The following SUMO3 variants were observed in gnomAD, a reference collection of about 807,000 sequenced individuals.
SUMO3 encodes small ubiquitin like modifier 3, also known as small ubiquitin-related modifier 3.
Under a neutral mutation model 11.1 loss-of-function variants are expected in SUMO3, and 2 were observed. The ratio of observed to expected loss-of-function variants is 0.18; its 90% CI spans 0.07 to 0.57. The LOEUF is 0.57. Among genes scored for constraint, SUMO3 ranks in the 20% least tolerant of loss-of-function variants. The pLI is 0.92. For missense variants in SUMO3, 70 were observed against 132.8 expected (o/e 0.53, Z 2.32); for synonymous variants, 56 against 53.5 (o/e 1.05, Z -0.20).
Position 44,809,159 on chromosome 21 carries a change from C to T in SUMO3, c.151-41G>A, listed in dbSNP as rs772464399. On this transcript the variant is annotated intron_variant, in intron 2 of 3. Coordinates refer to ENST00000332859, the MANE Select transcript of SUMO3 (RefSeq NM_006936.3). ...AGTGGCCATTAGTCTCACTGGCAAG[C>T]CCTGGAAAGGAAAAGCAGTGGCCAT... The T allele has an allele frequency of 3.1e-6, 5 of 1,595,080 alleles. No homozygotes were observed. The African/African-American group carries it at 5.4e-5, about 17-fold the overall frequency.
rs2083212597 is a variant in SUMO3 at position 44,811,562 on chromosome 21, AC to A, written c.150+2413del. Among the ~76,000 whole-genome samples, 1 of 152,094 alleles carries A rather than the reference AC, an allele frequency of 6.6e-6. No individual in the cohort carries two copies. Among genetic ancestry groups the A allele is most frequent in the Non-Finnish European group, 1.5e-5 (1 of 68,014 alleles). On this transcript the variant is annotated intron_variant, in intron 2 of 3. Transcript: ENST00000332859. This position sits in a 1 kb window ranked among gnomAD's most constrained non-coding sequence, Gnocchi z 5.0. ...GCTCCAGCTTGGGGGACAGAGTGAG[AC>A]CCTGTCTCAAAAAAAATAAGTTGCT...
chr21:44,808,006 AT>A (rs2083188037), intron 3 of SUMO3, among the ~76,000 whole-genome samples: 1 of 152,280 alleles, frequency 6.6e-6, no homozygotes, highest in Non-Finnish European at 1.5e-5. Flanking sequence ...TAAATACTGA[AT>A]AGTAAATATT....
chr21:44,813,087 G>A (rs2083221911), intron 2 of SUMO3, among the ~76,000 whole-genome samples: 1 of 152,258 alleles, frequency 6.6e-6, no homozygotes, highest in Middle Eastern at 3.2e-3. Context: ...GCCAGTGACT[G>A]CCCCTATGAG....
Position 44,809,210 on chromosome 21 carries a change from G to A in SUMO3, c.151-92C>T. 4 of 1,280,132 alleles carry A rather than the reference G, an allele frequency of 3.1e-6. No individual in the cohort carries two copies. The East Asian group carries it at 9.3e-5, about 30-fold the overall frequency. 79.3% of individuals were successfully genotyped at this position (1,280,132 alleles called of 1,614,324 possible). A position where few individuals can be genotyped will look rare whatever the true frequency, so the allele number is the denominator to read the frequency against. On this transcript the variant is annotated intron_variant, in intron 2 of 3. Transcript: ENST00000332859. ...TAGTCTCACTGACAAGCCCTGGAGA[G>A]GAAAAGCAGTGGCCATTAAACATTT... is the stretch of plus-strand genomic sequence containing the variant.
intron 1 of SUMO3, among the ~76,000 whole-genome samples, chr21:44,815,251 G>C (rs1289258921): frequency 1.3e-5 from 2 of 152,198 alleles, no homozygotes; most frequent in Non-Finnish European, 2.9e-5. Flanking sequence ...GTGAACCCAG[G>C]GACTGCACCC....
At chr21:44,812,757 G>A (rs2083219906) in intron 2 of SUMO3, among the ~76,000 whole-genome samples, 1 of 152,226 alleles carries the variant, frequency 6.6e-6, no homozygotes, top group African/African-American at 2.4e-5. Context: ...GGGAAGGGCA[G>A]AGCCCCCCCC....
At chr21:44,812,962 C>A (rs1159342326) in intron 2 of SUMO3, among the ~76,000 whole-genome samples, 1 of 152,238 alleles carries the variant, frequency 6.6e-6, no homozygotes, top group African/African-American at 2.4e-5. Flanking sequence ...AAGACCGGGA[C>A]CTGCGTGTCT....
chr21:44,808,690 T>C, intron 3 of SUMO3: 1 of 1,341,644 alleles, frequency 7.5e-7, no homozygotes, highest in Non-Finnish European at 9.7e-7. Flanking sequence ...TGCAAGATGC[T>C]TAAAGGGCAC....
At chr21:44,813,275 G>A (rs1034951838) in intron 2 of SUMO3, among the ~76,000 whole-genome samples, 1 of 152,140 alleles carries the variant, frequency 6.6e-6, no homozygotes, top group African/African-American at 2.4e-5. Context: ...CTGCAGGGCC[G>A]GGCCCCCAAC....
At chr21:44,814,188 G>A in intron 1 of SUMO3, 84 bp from the exon 2 acceptor site, 1 of 1,556,904 alleles carries the variant, frequency 6.4e-7, no homozygotes, top group Non-Finnish European at 8.7e-7. Flanking sequence ...GGTAATTGTT[G>A]GCTTTTTAAA....
At chr21:44,815,154 TCTC>T (rs1308496282) in intron 1 of SUMO3, among the ~76,000 whole-genome samples, 1 of 152,166 alleles carries the variant, frequency 6.6e-6, no homozygotes, top group African/African-American at 2.4e-5. Flanking sequence ...TCTCTCCACT[TCTC>T]CTTTCCTTCC....
intron 1 of SUMO3, among the ~76,000 whole-genome samples, chr21:44,817,190 C>T (rs1436784997): frequency 9.5e-6 from 1 of 104,780 alleles, no homozygotes; most frequent in Non-Finnish European, 1.9e-5. Flanking sequence ...CGTGGGCGTA[C>T]ACCGGGGGGC....
In SUMO3 at chr21:44,811,691, A is replaced by C. The variant is rs1382225540; in HGVS notation, c.150+2285T>G. On this transcript the variant is annotated intron_variant, in intron 2 of 3. Coordinates refer to ENST00000332859, the MANE Select transcript of SUMO3 (RefSeq NM_006936.3). This position sits in a 1 kb window ranked among gnomAD's most constrained non-coding sequence, Gnocchi z 5.0. ...ATGTCCACAGGAAGTGGAAAGATAA[A>C]GTTGAAATGACCTCCCGGAAAGAAG... is the stretch of plus-strand genomic sequence containing the variant. Among the ~76,000 whole-genome samples, 1 of 152,222 alleles carries C rather than the reference A, an allele frequency of 6.6e-6. No homozygotes were observed. The highest frequency in any genetic ancestry group is 1.5e-5 in the Non-Finnish European group (1 of 68,030).
At chr21:44,817,840 G>A (rs1429058207) in intron 1 of SUMO3, 108 bp downstream of exon 1, 5 of 264 alleles carry the variant, frequency 0.019, no homozygotes, top group Admixed American at 0.12. Flanking sequence ...GGGAGGGGCG[G>A]AGCCTGTCAG....
chr21:44,806,881 T>G lies in SUMO3; in HGVS notation c.*70A>C, dbSNP rs1360846691. The G allele has an allele frequency of 1.9e-6, 3 of 1,592,284 alleles. No individual in the cohort carries two copies. The highest frequency in any genetic ancestry group is 2.2e-5 in the South Asian group (2 of 89,304). Reference sequence around the variant, plus strand: ...CGAGTTTCCGCAGACACCTTTGTGGTCGGCATGGTCACGTGCTCACCATTC... The same window carrying G: ...CGAGTTTCCGCAGACACCTTTGTGGGCGGCATGGTCACGTGCTCACCATTC... On this transcript the variant is annotated 3_prime_UTR_variant, in exon 4 of 4. Coordinates refer to ENST00000332859, the MANE Select transcript of SUMO3 (RefSeq NM_006936.3).
chr21:44,809,990 G>A (rs62220110), intron 2 of SUMO3, among the ~76,000 whole-genome samples: 1 of 152,180 alleles, frequency 6.6e-6, no homozygotes, highest in African/African-American at 2.4e-5. Flanking sequence ...GTGTGCCAAT[G>A]AGGGACAGAT....
intron 2 of SUMO3, 121 bp downstream of exon 2, chr21:44,813,855 A>T (rs768467583): frequency 5.1e-6 from 8 of 1,573,528 alleles, no homozygotes; most frequent in African/African-American, 1.3e-5. Context: ...ATCCACGAAG[A>T]GGGCACCTCG....
chr21:44,808,497 A>G lies in SUMO3; in HGVS notation c.222+550T>C, dbSNP rs1048029746. 11 of 1,447,914 alleles carry G rather than the reference A, an allele frequency of 7.6e-6. No individual in the cohort carries two copies. In the African/African-American group the frequency reaches 1.6e-4, roughly 21 times the overall value. 89.7% of individuals were successfully genotyped at this position (1,447,914 alleles called of 1,614,324 possible). A position where few individuals can be genotyped will look rare whatever the true frequency, so the allele number is the denominator to read the frequency against. On this transcript the variant is annotated intron_variant, in intron 3 of 3. Coordinates refer to ENST00000332859, the MANE Select transcript of SUMO3 (RefSeq NM_006936.3). ...GCCACTGCATTCTAGCCTGGGCAACAAAGCGAGACTCCGTCTCAAAAAAAA... is the reference window on the plus strand; with the variant it reads ...GCCACTGCATTCTAGCCTGGGCAACGAAGCGAGACTCCGTCTCAAAAAAAA...
Position 44,814,090 on chromosome 21 carries a change from T to C in SUMO3, c.36A>G (p.Thr12=), listed in dbSNP as rs775739484. The change falls in exon 2 of 4, where the codon ACA becomes ACG. Residue 12 remains threonine (T), a synonymous_variant. Transcript: ENST00000332859. The stretch of plus-strand genomic sequence containing the variant: ...CCTTCAGGTTGATGTGGTCATTCTC[T>C]GTCTTCACACCCTCCTGCAGAAGAC... ...SEEKPKEGVK[T]ENDHINLKVA... 2 of 1,613,962 alleles carry C rather than the reference T, an allele frequency of 1.2e-6. No homozygotes were observed. The highest frequency in any genetic ancestry group is 2.2e-5 in the East Asian group (1 of 44,884).
Sources: gnomAD v4.1 joint callset for allele counts (sites outside exome capture counted in the v4.1 genomes callset) on GRCh38, gnomAD v4.1.1 for gene constraint, Gnocchi (gnomAD v3.1) non-coding constraint, MANE v1.5 for transcripts, NCBI Gene and HGNC (gene_info 2026-07-23, HGNC 2026-07-21) for gene names.